DERA: variants seen among roughly 807,000 people sequenced by gnomAD.
The protein encoded by DERA is 2-deoxy-D-ribose 5-phosphate aldolase.
DERA carries 15 observed loss-of-function variants against 41.1 expected under a neutral mutation model. That is an observed-to-expected ratio of 0.37 (90% CI 0.24 to 0.56). DERA has a LOEUF of 0.56. Ranked by LOEUF, DERA falls within the 20% of genes least tolerant of loss-of-function variation. DERA has a pLI of 0.81. For synonymous variants in DERA, 139 were observed against 137.4 expected, an observed-to-expected ratio of 1.01 and a Z score of -0.08; for missense variants, 396 against 403.4, an observed-to-expected ratio of 0.98 and a Z score of 0.16.
chr12:15,956,541 T>C lies in DERA; in HGVS notation c.32-395T>C, dbSNP rs79313495. The C allele has an allele frequency of 2.0e-5, 7 of 354,152 alleles. No homozygotes were observed. In the East Asian group the frequency reaches 5.2e-4, roughly 26 times the overall value. The allele number at this position is 354,152 out of a possible 1,614,324, so 21.9% of individuals were successfully genotyped here. On this transcript the variant is annotated intron_variant, in intron 1 of 8. Coordinates refer to ENST00000428559, the MANE Select transcript of DERA (RefSeq NM_015954.4). ...CATTAGTTCACTTAAGATTTGTTAA[T>C]CATTTGCTCTCCTGGGCTGGACACT...
intron 1 of DERA, among the ~76,000 whole-genome samples, chr12:15,955,931 G>A (rs1327110611): frequency 6.6e-6 from 1 of 152,168 alleles, no homozygotes; most frequent in Non-Finnish European, 1.5e-5. Context: ...ACATGGAATT[G>A]CTGGAGAGAT....
In DERA at chr12:15,940,492, C is replaced by T. The variant is rs1218758714; in HGVS notation, c.32-16444C>T. Among the ~76,000 whole-genome samples the T allele has an allele frequency of 6.6e-6, 1 of 152,160 alleles. No homozygotes were observed. The highest frequency in any genetic ancestry group is 2.1e-4 in the South Asian group (1 of 4,822). ...TCAGCCTCTCGAGTAGCTGGGACTACAGGCGCATGCCACCACACCTGGCTG... is the reference window on the plus strand; with the variant it reads ...TCAGCCTCTCGAGTAGCTGGGACTATAGGCGCATGCCACCACACCTGGCTG... On this transcript the variant is annotated intron_variant, in intron 1 of 8. Coordinates refer to ENST00000428559, the MANE Select transcript of DERA (RefSeq NM_015954.4). The surrounding 1 kb of genome is among the most constrained non-coding windows in gnomAD (Gnocchi z 5.1).
Position 16,036,232 on chromosome 12 carries a change from A to G in DERA, c.751A>G (p.Ile251Val), listed in dbSNP as rs372247507. The change falls in exon 8 of 9, where the codon ATA becomes GTA. Residue 251 changes from isoleucine to valine, a missense_variant and splice_region_variant. Ile to Val is a conservative substitution (Grantham distance 29). Transcript: ENST00000428559. The surrounding 1 kb of genome is among the most constrained non-coding windows in gnomAD (Gnocchi z 4.9). ...TTCTATTCTCTGCCTTCCCATTTAGATAGGGTTTAAACCAGCAGGAGGCAT... is the reference window on the plus strand; with the variant it reads ...TTCTATTCTCTGCCTTCCCATTTAGGTAGGGTTTAAACCAGCAGGAGGCAT... ...RDFFWKTGNK[I>V]GFKPAGGIRS... 1.2e-4 allele frequency: 186 copies of G among 1,596,840 alleles called. No individual in the cohort carries two copies. Among genetic ancestry groups the G allele is most frequent in the Non-Finnish European group, 1.5e-4 (176 of 1,173,498 alleles).
At chr12:16,002,073 T>C (rs973994145) in intron 6 of DERA, among the ~76,000 whole-genome samples, 21 of 152,138 alleles carry the variant, frequency 1.4e-4, no homozygotes, top group Non-Finnish European at 2.5e-4. Context: ...CATGTTGGTG[T>C]GCTGCACCCA....
At chr12:15,979,675 A>G (rs1948720613) in intron 5 of DERA, among the ~76,000 whole-genome samples, 1 of 152,228 alleles carries the variant, frequency 6.6e-6, no homozygotes, top group Admixed American at 6.5e-5. Context: ...TGATTTTAGA[A>G]ATTGGCAGTT....
intron 7 of DERA, among the ~76,000 whole-genome samples, chr12:16,033,742 T>C (rs1565620570): frequency 6.6e-6 from 1 of 152,120 alleles, no homozygotes; most frequent in Non-Finnish European, 1.5e-5. Flanking sequence ...TGACTTTATA[T>C]GTAAGTGTAG....
At chr12:15,958,578 G>A (rs1224599778) in intron 3 of DERA, among the ~76,000 whole-genome samples, 2 of 148,298 alleles carry the variant, frequency 1.3e-5, no homozygotes, top group Non-Finnish European at 3.0e-5. Flanking sequence ...TTGGTAGAGA[G>A]TGACTTTATT....
At position 16,036,985 on chromosome 12, in the gene DERA, G is replaced by T; in HGVS notation, c.*239G>T. Reference sequence around the variant, plus strand: ...AGATCTGCACTATTAACTTTGTGAAGAGTTTCTCCTAAAAACTTTAAGTAA... The same window carrying T: ...AGATCTGCACTATTAACTTTGTGAATAGTTTCTCCTAAAAACTTTAAGTAA... On this transcript the variant is annotated 3_prime_UTR_variant, in exon 9 of 9. Transcript: ENST00000428559. The surrounding 1 kb of genome is among the most constrained non-coding windows in gnomAD (Gnocchi z 4.9). 2.3e-6 allele frequency: 1 copy of T among 434,776 alleles called. No individual in the cohort carries two copies. The highest frequency in any genetic ancestry group is 4.0e-6 in the Non-Finnish European group (1 of 249,044). The allele number at this position is 434,776 out of a possible 1,614,324, so 26.9% of individuals were successfully genotyped here. A position where few individuals can be genotyped will look rare whatever the true frequency, so the allele number is the denominator to read the frequency against.
chr12:15,917,057 G>C (rs1210742341), intron 1 of DERA, among the ~76,000 whole-genome samples: 2 of 152,128 alleles, frequency 1.3e-5, no homozygotes, highest in Non-Finnish European at 2.9e-5. Context: ...AATCTCTTTA[G>C]CTGTAAACAA....
chr12:15,926,485 C>T (rs559188900), intron 1 of DERA, among the ~76,000 whole-genome samples: 1 of 152,004 alleles, frequency 6.6e-6, no homozygotes, highest in Non-Finnish European at 1.5e-5. Flanking sequence ...GCCTGTAATC[C>T]CAGCACTTTG....
At position 15,982,898 on chromosome 12, in the gene DERA, T is replaced by C. The variant is rs1393724603; in HGVS notation, c.637+462T>C. Among the ~76,000 whole-genome samples, 1 of 152,258 alleles carries C rather than the reference T, an allele frequency of 6.6e-6. No homozygotes were observed. The highest frequency in any genetic ancestry group is 1.5e-5 in the Non-Finnish European group (1 of 68,038). Reference sequence around the variant, plus strand: ...TATCATTGATTTTTATACTTTCAAATATAAGTTGACTTATTCTTTATCTCT... The same window carrying C: ...TATCATTGATTTTTATACTTTCAAACATAAGTTGACTTATTCTTTATCTCT... On this transcript the variant is annotated intron_variant, in intron 6 of 8. Transcript: ENST00000428559. The surrounding 1 kb of genome is among the most constrained non-coding windows in gnomAD (Gnocchi z 4.0).
chr12:15,933,293 G>A (rs1387541937), intron 1 of DERA, among the ~76,000 whole-genome samples: 1 of 152,114 alleles, frequency 6.6e-6, no homozygotes, highest in Non-Finnish European at 1.5e-5. Context: ...CAGCCACAGT[G>A]AACATAGGTT....
At position 15,928,342 on chromosome 12, in the gene DERA, GTTATT is replaced by G. The variant is rs1332280428; in HGVS notation, c.31+16932_31+16936del. ...TGAAATCTACAGGTAATCTCTAAGT[GTTATT>G]TTAATTAACAAATTTTAAATTTCTT... On this transcript the variant is annotated intron_variant, in intron 1 of 8. Coordinates refer to ENST00000428559, the MANE Select transcript of DERA (RefSeq NM_015954.4). This position sits in a 1 kb window ranked among gnomAD's most constrained non-coding sequence, Gnocchi z 4.6. Among the ~76,000 whole-genome samples, 3 of 152,164 alleles carry G rather than the reference GTTATT, an allele frequency of 2.0e-5. No homozygotes were observed. In the East Asian group the frequency reaches 5.8e-4, roughly 29 times the overall value.
At chr12:15,937,382 T>G (rs984302240) in intron 1 of DERA, among the ~76,000 whole-genome samples, 2 of 152,226 alleles carry the variant, frequency 1.3e-5, no homozygotes, top group African/African-American at 2.4e-5. Flanking sequence ...ACAGAATGAG[T>G]GCCTGGCTAT....
intron 6 of DERA, among the ~76,000 whole-genome samples, chr12:16,028,324 C>T (rs1032565569): frequency 2.6e-5 from 4 of 152,104 alleles, no homozygotes; most frequent in African/African-American, 9.7e-5. Flanking sequence ...AAGCTGGAAC[C>T]GTGTGAACAA....
rs1948757405 is a variant in DERA, at chr12:15,985,373, G to A, written c.637+2937G>A. On this transcript the variant is annotated intron_variant, in intron 6 of 8. Transcript: ENST00000428559. The surrounding 1 kb of genome is among the most constrained non-coding windows in gnomAD (Gnocchi z 4.2). ...GAGTTGCTAAAATTGTTGGCATAATGTTGTTTATAATATGTTCTTCCATTC... is the reference window on the plus strand; with the variant it reads ...GAGTTGCTAAAATTGTTGGCATAATATTGTTTATAATATGTTCTTCCATTC... The A allele has an allele frequency of 6.6e-6, 1 of 152,152 alleles. No homozygotes were observed. Among genetic ancestry groups the A allele is most frequent in the Non-Finnish European group, 1.5e-5 (1 of 68,034 alleles). The allele number at this position is 152,152 out of a possible 1,614,324, so 9.4% of individuals were successfully genotyped here. A position where few individuals can be genotyped will look rare whatever the true frequency, so the allele number is the denominator to read the frequency against.
In DERA at chr12:15,943,705, T is replaced by TTTTTTTTA. The variant is rs1555150476; in HGVS notation, c.32-13228_32-13227insTTTTATTT. On this transcript the variant is annotated intron_variant, in intron 1 of 8. Transcript: ENST00000428559. The surrounding 1 kb of genome is among the most constrained non-coding windows in gnomAD (Gnocchi z 4.5). ...TGTTTCTTCTTTTTTATTTTTTAAT[T>TTTTTTTTA]TTTATTTATTTATTTATTTATTTAT... 2.1e-5 allele frequency among the ~76,000 whole-genome samples: 3 copies of TTTTTTTTA among 144,188 alleles called. No homozygotes were observed. The highest frequency in any genetic ancestry group is 2.0e-4 in the East Asian group (1 of 5,084). 94.6% of individuals were successfully genotyped at this position (144,188 alleles called of 152,430 possible). A position where few individuals can be genotyped will look rare whatever the true frequency, so the allele number is the denominator to read the frequency against.
At position 15,981,631 on chromosome 12, in the gene DERA, CCCAAT is replaced by C. The variant is rs1948733538; in HGVS notation, c.509-676_509-672del. Among the ~76,000 whole-genome samples the C allele has an allele frequency of 1.3e-5, 2 of 152,196 alleles. No homozygotes were observed. The highest frequency in any genetic ancestry group is 6.5e-5 in the Admixed American group (1 of 15,284). On this transcript the variant is annotated intron_variant, in intron 5 of 8. Transcript: ENST00000428559. This position sits in a 1 kb window ranked among gnomAD's most constrained non-coding sequence, Gnocchi z 6.1. Reference sequence around the variant, plus strand: ...ATATGAAATATGAAATAAATCTGGGCCCAATGTGGAACCCTCCAAAGCCAGATGTG... The same window carrying C: ...ATATGAAATATGAAATAAATCTGGGCGTGGAACCCTCCAAAGCCAGATGTG...
In DERA at chr12:16,035,459, G is replaced by T. The variant is rs11056760; in HGVS notation, c.751-773G>T. ...CAGGTTCCTGAAACATGTAAATCCA[G>T]ATAATCAGAGTTTTATTGTATATGG... On this transcript the variant is annotated intron_variant, in intron 7 of 8. Coordinates refer to ENST00000428559, the MANE Select transcript of DERA (RefSeq NM_015954.4). This position sits in a 1 kb window ranked among gnomAD's most constrained non-coding sequence, Gnocchi z 4.1. 0.053 allele frequency among the ~76,000 whole-genome samples: 8,047 copies of T among 152,190 alleles called. 637 individuals are homozygous for T. Among genetic ancestry groups the T allele is most frequent in the East Asian group, 0.4 (2,055 of 5,154 alleles).
Sources: gnomAD v4.1 joint callset for allele counts (sites outside exome capture counted in the v4.1 genomes callset) on GRCh38, gnomAD v4.1.1 for gene constraint, Gnocchi (gnomAD v3.1) non-coding constraint, MANE v1.5 for transcripts, NCBI Gene and HGNC (gene_info 2026-07-23, HGNC 2026-07-21) for gene names.